Variants in NCOA1 observed in about 807,000 individuals in gnomAD.
The protein encoded by NCOA1 is Hin-2 protein.
A neutral mutation model predicts 150.9 loss-of-function variants in NCOA1; 35 were observed. The ratio of observed to expected loss-of-function variants is 0.23; its 90% CI spans 0.18 to 0.31. The LOEUF is 0.31. NCOA1 is among the 10% of genes least tolerant of loss of function. The pLI is 1.00. For synonymous variants in NCOA1, 590 were observed against 630.0 expected (o/e 0.94, Z 0.95); for missense variants, 1,491 against 1,749.3 (o/e 0.85, Z 2.63).
At chr2:24,630,938 A>G (rs551351792) in intron 3 of NCOA1, among the ~76,000 whole-genome samples, 4 of 152,314 alleles carry the variant, frequency 2.6e-5, no homozygotes, top group South Asian at 2.1e-4. Flanking sequence ...AGTGTTTACA[A>G]TGTTTTTAAC....
At chr2:24,507,434 G>GTT (rs1320439565) in intron 1 of NCOA1, among the ~76,000 whole-genome samples, 83 of 60,806 alleles carry the variant, frequency 1.4e-3, no homozygotes, top group East Asian at 5.2e-3. Context: ...TGAGCTGCTG[G>GTT]GTTTTTTTTT....
At chr2:24,616,306 A>G (rs55912152) in intron 3 of NCOA1, among the ~76,000 whole-genome samples, 2,126 of 152,284 alleles carry the variant, frequency 0.014, 51 homozygotes, top group African/African-American at 0.049. Context: ...CATAGTTACC[A>G]TAGTACATAG....
intron 4 of NCOA1, among the ~76,000 whole-genome samples, chr2:24,652,167 G>A (rs1670738097): frequency 6.6e-6 from 1 of 151,924 alleles, no homozygotes; most frequent in Non-Finnish European, 1.5e-5. Context: ...ACAAAATATG[G>A]CATCTCCAAA....
intron 20 of NCOA1, among the ~76,000 whole-genome samples, chr2:24,756,849 A>G (rs1412798068): frequency 6.6e-6 from 1 of 152,186 alleles, no homozygotes; most frequent in Admixed American, 6.5e-5. Flanking sequence ...CTGATTTTAC[A>G]TTTGAGATCT....
chr2:24,698,765 T>G (rs1314541383), intron 11 of NCOA1, among the ~76,000 whole-genome samples: 1 of 152,232 alleles, frequency 6.6e-6, no homozygotes, highest in Non-Finnish European at 1.5e-5. Context: ...CATTCTTAAT[T>G]TTAACATTTT....
At chr2:24,564,850 A>C (rs556719067) in intron 2 of NCOA1, 4 of 152,324 alleles carry the variant, frequency 2.6e-5, no homozygotes, top group Admixed American at 2.6e-4. Flanking sequence ...GGAATAAATA[A>C]ATGTCAATTT....
Position 24,507,312 on chromosome 2 carries a change from C to A in NCOA1, c.-396+15710C>A, listed in dbSNP as rs996818764. On this transcript the variant is annotated intron_variant, in intron 1 of 22. Transcript: ENST00000348332. ...CCTCTTGGTGCCTCAGCCTTTTCAT[C>A]GTTAAATAGGGATGATAGTACCTGT... Among the ~76,000 whole-genome samples, 29 of 151,792 alleles carry A rather than the reference C, an allele frequency of 1.9e-4. 1 individual carries two copies. Among genetic ancestry groups the A allele is most frequent in the Admixed American group, 5.9e-4 (9 of 15,240 alleles).
At chr2:24,503,242 G>GC (rs1346883010) in intron 1 of NCOA1, among the ~76,000 whole-genome samples, 190 of 152,292 alleles carry the variant, frequency 1.2e-3, no homozygotes, top group Non-Finnish European at 1.9e-3. Context: ...TGGAGAACGT[G>GC]TTGTTCTACA....
At chr2:24,520,917 T>TCTTTAGCCAGACTAGCAA (rs6146684) in intron 1 of NCOA1, among the ~76,000 whole-genome samples, 3 of 151,974 alleles carry the variant, frequency 2.0e-5, no homozygotes, top group Admixed American at 6.5e-5. Context: ...CCTTGCTCAT[T>TCTTTAGCCAGACTAGCAA]CTTTGCTGTT....
intron 1 of NCOA1, among the ~76,000 whole-genome samples, chr2:24,502,487 C>T (rs762519465): frequency 3.0e-4 from 46 of 152,118 alleles, no homozygotes; most frequent in Non-Finnish European, 5.9e-4. Context: ...AATTTTGATT[C>T]GGAATGATTA....
At chr2:24,571,140 G>C (rs1666729874) in intron 2 of NCOA1, among the ~76,000 whole-genome samples, 5 of 152,048 alleles carry the variant, frequency 3.3e-5, no homozygotes, top group Non-Finnish European at 7.4e-5. Flanking sequence ...CGAGTACAGG[G>C]GAGGTTGTGG....
chr2:24,602,868 A>T lies in NCOA1; in HGVS notation c.-175+18308A>T, dbSNP rs529729270. ...TCCCTGTGTAAGCCTGTCTCAACTT[A>T]TTCCTCTTCCTGCACTGTTCCCCAG... On this transcript the variant is annotated intron_variant, in intron 3 of 22. Coordinates refer to ENST00000348332, the MANE Select transcript of NCOA1 (RefSeq NM_003743.5). Among the ~76,000 whole-genome samples the T allele has an allele frequency of 2.0e-4, 31 of 152,320 alleles. 1 individual carries two copies. Among genetic ancestry groups the T allele is most frequent in the African/African-American group, 7.5e-4 (31 of 41,574 alleles).
intron 6 of NCOA1, among the ~76,000 whole-genome samples, chr2:24,666,229 T>C (rs1249065222): frequency 6.6e-6 from 1 of 151,942 alleles, no homozygotes; most frequent in African/African-American, 2.4e-5. Flanking sequence ...TTAGCCAGGA[T>C]GGTCTCAATC....
At chr2:24,628,826 T>C (rs896838214) in intron 3 of NCOA1, among the ~76,000 whole-genome samples, 3 of 152,100 alleles carry the variant, frequency 2.0e-5, no homozygotes, top group Non-Finnish European at 4.4e-5. Context: ...GGAGAAACTT[T>C]TAGGAAAGAC....
At chr2:24,518,241 A>G (rs1001210842) in intron 1 of NCOA1, among the ~76,000 whole-genome samples, 5 of 152,180 alleles carry the variant, frequency 3.3e-5, no homozygotes, top group Non-Finnish European at 7.4e-5. Context: ...AAATATGAAC[A>G]TCTCAATAAA....
intron 1 of NCOA1, among the ~76,000 whole-genome samples, chr2:24,563,517 T>G (rs1241445074): frequency 2.0e-5 from 3 of 151,502 alleles, no homozygotes; most frequent in Admixed American, 6.6e-5. Context: ...CCAGTAAATC[T>G]CTCTCTTTTT....
intron 1 of NCOA1, among the ~76,000 whole-genome samples, chr2:24,516,959 T>TATATACAC (rs1558758514): frequency 0.2 from 6,038 of 30,162 alleles, 462 homozygotes; most frequent in East Asian, 0.56. Context: ...TATACAAGTA[T>TATATACAC]ATATACGTAT....
intron 3 of NCOA1, among the ~76,000 whole-genome samples, chr2:24,614,635 A>G (rs984253073): frequency 6.6e-6 from 1 of 152,134 alleles, no homozygotes; most frequent in Non-Finnish European, 1.5e-5. Context: ...GAAAATTTTC[A>G]AAAGAATAGT....
intron 1 of NCOA1, among the ~76,000 whole-genome samples, chr2:24,542,066 T>A (rs1217681812): frequency 6.6e-6 from 1 of 152,184 alleles, no homozygotes; most frequent in Non-Finnish European, 1.5e-5. Context: ...AAAAGACTAG[T>A]TCAATTGATG....
Sources: gnomAD v4.1 joint callset for allele counts (sites outside exome capture counted in the v4.1 genomes callset) on GRCh38, gnomAD v4.1.1 for gene constraint, MANE v1.5 for transcripts, NCBI Gene and HGNC (gene_info 2026-07-23, HGNC 2026-07-21) for gene names.